The following MAP4 variants were observed in gnomAD, a reference collection of about 807,000 sequenced individuals.
The protein encoded by MAP4 is microtubule associated protein 4, also known as microtubule-associated protein 4.
A neutral mutation model predicts 170.2 loss-of-function variants in MAP4; 76 were observed. That is an observed-to-expected ratio of 0.45 (90% confidence interval 0.37 to 0.54). MAP4 has a LOEUF of 0.54. MAP4 is among the 20% of genes least tolerant of loss of function. The pLI is 0.00. For synonymous variants in MAP4, 909 were observed against 994.5 expected (o/e 0.91, Z 1.62); for missense variants, 2,506 against 2,748.0 (o/e 0.91, Z 1.97).
chr3:48,066,275 CA>C (rs1199984766), intron 1 of MAP4, among the ~76,000 whole-genome samples: 8 of 152,238 alleles, frequency 5.3e-5, no homozygotes, highest in South Asian at 2.1e-4. Flanking sequence ...AAGTTAAACT[CA>C]GTATCTTACT....
chr3:47,935,562 T>C (rs948969130), intron 3 of MAP4, among the ~76,000 whole-genome samples: 4 of 151,672 alleles, frequency 2.6e-5, no homozygotes, highest in African/African-American at 7.3e-5. Flanking sequence ...ACCGAAGAAG[T>C]AGACTTGTGA....
chr3:47,890,790 A>G (rs1459662021), intron 10 of MAP4, among the ~76,000 whole-genome samples: 2 of 152,136 alleles, frequency 1.3e-5, no homozygotes, highest in African/African-American at 2.4e-5. Flanking sequence ...TGCACACTCA[A>G]TTCACATTAT....
chr3:47,992,756 T>C (rs1309781403), intron 2 of MAP4, among the ~76,000 whole-genome samples: 2 of 151,958 alleles, frequency 1.3e-5, no homozygotes, highest in East Asian at 3.9e-4. Flanking sequence ...ATACAAAAAT[T>C]AGCTGGGCAT....
chr3:47,877,657 G>A (rs942967192), intron 10 of MAP4, 134 bp from the exon 11 acceptor site: 12 of 581,666 alleles, frequency 2.1e-5, no homozygotes, highest in African/African-American at 9.4e-5. Context: ...TTGTGCTGCT[G>A]AAATGTGGAC....
At chr3:47,947,921 T>C (rs2100061197) in intron 3 of MAP4, among the ~76,000 whole-genome samples, 1 of 152,176 alleles carries the variant, frequency 6.6e-6, no homozygotes, top group Non-Finnish European at 1.5e-5. Flanking sequence ...ATGCAGCAAT[T>C]TGCTTTCTAC....
Position 47,909,416 on chromosome 3 carries a change from T to G in MAP4, c.5005A>C (p.Lys1669Gln), listed in dbSNP as rs1577418629. 2 of 1,613,554 alleles carry G rather than the reference T, an allele frequency of 1.2e-6. No individual in the cohort carries two copies. The highest frequency in any genetic ancestry group is 4.5e-5 in the East Asian group (2 of 44,878). Residue 1669 changes from lysine (K) to glutamine (Q), a missense_variant, in exon 9 of 21, where the codon AAA (lysine) becomes CAA (glutamine). By Grantham distance (53) the Lys-to-Gln change is moderately conservative (BLOSUM62 1). Transcript: ENST00000683076. ...CAAGCCAGACTAATTTCTTTCAATT[T>G]ATCATTTTCACTTTTTGGAGACAAA... is the stretch of plus-strand genomic sequence containing the variant. ...TLLSPKSEND[K>Q]LKEISLACKI...
intron 2 of MAP4, among the ~76,000 whole-genome samples, chr3:47,985,370 T>C (rs1578801177): frequency 6.6e-6 from 1 of 151,628 alleles, no homozygotes; most frequent in South Asian, 2.1e-4. Context: ...CCTGGGGAGG[T>C]CAAGGCTGCA....
At chr3:48,079,937 G>A (rs1219510018) in intron 1 of MAP4, among the ~76,000 whole-genome samples, 1 of 148,772 alleles carries the variant, frequency 6.7e-6, no homozygotes, top group Non-Finnish European at 1.5e-5. Context: ...GCAAAAGAGT[G>A]AGACTCCGTC....
At chr3:47,979,038 T>C (rs1213976212) in intron 2 of MAP4, among the ~76,000 whole-genome samples, 1 of 152,120 alleles carries the variant, frequency 6.6e-6, no homozygotes, top group Non-Finnish European at 1.5e-5. Context: ...TTCAAATAGT[T>C]TTTAATTTTT....
At chr3:48,020,404 CA>C (rs2100109978), upstream of MAP4, among the ~76,000 whole-genome samples, 1 of 152,216 alleles carries the variant, frequency 6.6e-6, no homozygotes, top group African/African-American at 2.4e-5. Flanking sequence ...GATGTTTGCA[CA>C]GCTGGAAGCA....
chr3:48,007,110 T>C lies in MAP4; in HGVS notation c.-19-8231A>G, dbSNP rs578108369. Among the ~76,000 whole-genome samples, 135 of 152,352 alleles carry C rather than the reference T, an allele frequency of 8.9e-4. 2 individuals are homozygous for C. In the South Asian group the frequency reaches 0.027, roughly 30 times the overall value. On this transcript the variant is annotated intron_variant, in intron 1 of 20. Transcript: ENST00000683076. ...TTCCGCAAGATATCACACTGGTCCA[T>C]TACATTGATGACATTATGCTGACTG...
At chr3:47,898,304 C>G (rs891126434) in intron 10 of MAP4, among the ~76,000 whole-genome samples, 1 of 151,942 alleles carries the variant, frequency 6.6e-6, no homozygotes, top group Non-Finnish European at 1.5e-5. Flanking sequence ...GAGATCGAGA[C>G]CATCCTGGCC....
At chr3:47,974,355 G>A (rs2100080699) in intron 3 of MAP4, 2 of 542,948 alleles carry the variant, frequency 3.7e-6, no homozygotes, top group Non-Finnish European at 4.7e-6. Context: ...AACCTGGGAG[G>A]CAGAGGGTGC....
intron 10 of MAP4, among the ~76,000 whole-genome samples, chr3:47,894,823 T>G (rs2100025929): frequency 1.3e-5 from 2 of 151,408 alleles, no homozygotes; most frequent in South Asian, 4.2e-4. Flanking sequence ...CCCAGGAGTT[T>G]GAGACCAGCC....
At chr3:48,008,335 G>C (rs1288220579) in intron 1 of MAP4, among the ~76,000 whole-genome samples, 1 of 152,192 alleles carries the variant, frequency 6.6e-6, no homozygotes, top group Non-Finnish European at 1.5e-5. Flanking sequence ...AGACGGTTCT[G>C]CATCATATGC....
intron 3 of MAP4, among the ~76,000 whole-genome samples, chr3:47,945,695 C>G (rs2100059361): frequency 6.6e-6 from 1 of 151,768 alleles, no homozygotes; most frequent in African/African-American, 2.4e-5. Flanking sequence ...ACTTTTTTTG[C>G]TGAATATTAA....
intron 1 of MAP4, among the ~76,000 whole-genome samples, chr3:48,073,382 G>A (rs1247317889): frequency 2.0e-5 from 3 of 150,668 alleles, no homozygotes; most frequent in Non-Finnish European, 3.0e-5. Flanking sequence ...AAGCTGAGGC[G>A]GGTGGGATCA....
rs555530970 is a variant in MAP4 at position 47,981,249 on chromosome 3, T to C, written c.224-3316A>G. The stretch of plus-strand genomic sequence containing the variant: ...TACCGATACAGGAAGATAACAGGTA[T>C]CTAATAGCTAAATATAGATAAAGGC... On this transcript the variant is annotated intron_variant, in intron 2 of 20. Coordinates refer to ENST00000683076, the MANE Select transcript of MAP4 (RefSeq NM_001385682.1). Among the ~76,000 whole-genome samples, 9 of 152,218 alleles carry C rather than the reference T, an allele frequency of 5.9e-5. No homozygotes were observed. In the East Asian group the frequency reaches 1.7e-3, roughly 29 times the overall value.
intron 17 of MAP4, among the ~76,000 whole-genome samples, chr3:47,861,519 A>C (rs1576680680): frequency 6.6e-6 from 1 of 151,494 alleles, no homozygotes; most frequent in African/African-American, 2.4e-5. Context: ...CGCCCAGCTG[A>C]TTTTTGTATT....
Sources: gnomAD v4.1 joint callset for allele counts (sites outside exome capture counted in the v4.1 genomes callset) on GRCh38, gnomAD v4.1.1 for gene constraint, MANE v1.5 for transcripts, NCBI Gene and HGNC (gene_info 2026-07-23, HGNC 2026-07-21) for gene names.